Variants in ADAM10 observed in about 807,000 individuals in gnomAD.
ADAM10 encodes disintegrin and metalloproteinase domain-containing protein 10.
Under a neutral mutation model 90.1 loss-of-function variants are expected in ADAM10, and 17 were observed. The ratio of observed to expected loss-of-function variants is 0.19; its 90% CI spans 0.13 to 0.28. The LOEUF is 0.28. Among genes scored for constraint, ADAM10 ranks in the 10% least tolerant of loss-of-function variants. The pLI, the probability that ADAM10 is intolerant of heterozygous loss-of-function variation, is 1.00. For synonymous variants in ADAM10, 310 were observed against 298.6 expected, an observed-to-expected ratio of 1.04 and a Z score of -0.40; for missense variants, 610 against 914.3, an observed-to-expected ratio of 0.67 and a Z score of 4.29.
intron 1 of ADAM10, among the ~76,000 whole-genome samples, chr15:58,740,931 G>T (rs1363118737): frequency 1.3e-5 from 2 of 152,042 alleles, no homozygotes; most frequent in African/African-American, 4.8e-5. Context: ...GTAACTAATA[G>T]ATTCCAAATG....
intron 10 of ADAM10, among the ~76,000 whole-genome samples, chr15:58,622,049 T>C (rs948420560): frequency 6.6e-6 from 1 of 152,014 alleles, no homozygotes; most frequent in Non-Finnish European, 1.5e-5. Context: ...ATATGTACAA[T>C]GAATTCCCAT....
In ADAM10 at chr15:58,624,532, CTGTT is replaced by C. The variant is rs1355319327; in HGVS notation, c.1361-2915_1361-2912del. ...TAACAGTTTAAACAACAATGAGGTA[CTGTT>C]TGTTTGTTTGTCTGAGACAGAGTCT... On this transcript the variant is annotated intron_variant, in intron 10 of 15. Transcript: ENST00000260408. 3.8e-4 allele frequency among the ~76,000 whole-genome samples: 58 copies of C among 152,118 alleles called. 2 individuals are homozygous for C. Among genetic ancestry groups the C allele is most frequent in the Admixed American group, 2.9e-3 (44 of 15,272 alleles).
chr15:58,696,427 C>T (rs1897979333), intron 2 of ADAM10, among the ~76,000 whole-genome samples: 1 of 151,752 alleles, frequency 6.6e-6, no homozygotes, highest in Non-Finnish European at 1.5e-5. Flanking sequence ...GAAGTAGGCC[C>T]CTTACAGCCT....
intron 1 of ADAM10, among the ~76,000 whole-genome samples, chr15:58,737,223 C>G (rs1204614075): frequency 6.6e-6 from 1 of 152,144 alleles, no homozygotes; most frequent in South Asian, 2.1e-4. Context: ...ATCTTACTAC[C>G]CAGAAAATTG....
intron 5 of ADAM10, among the ~76,000 whole-genome samples, chr15:58,646,494 A>G (rs569707664): frequency 7.9e-5 from 12 of 152,268 alleles, no homozygotes; most frequent in African/African-American, 2.9e-4. Context: ...TACTACTTTG[A>G]TATCTTCTCT....
intron 2 of ADAM10, chr15:58,707,430 C>T (rs1396290477): frequency 6.6e-6 from 1 of 151,680 alleles, no homozygotes; most frequent in Non-Finnish European, 1.5e-5. Context: ...AAACACAGTT[C>T]CAGGCTTAAC....
chr15:58,692,820 A>C (rs756555495), intron 2 of ADAM10: 1 of 645,252 alleles, frequency 1.5e-6, no homozygotes, highest in Non-Finnish European at 3.0e-6. Context: ...CAAATTGCCC[A>C]ATCATGGAGA....
intron 10 of ADAM10, among the ~76,000 whole-genome samples, chr15:58,624,235 G>A (rs1273358290): frequency 2.0e-5 from 3 of 151,464 alleles, no homozygotes; most frequent in South Asian, 2.1e-4. Context: ...GCAGTGAGCC[G>A]AGATCGTGCC....
chr15:58,712,307 C>T (rs1184674892), intron 2 of ADAM10, among the ~76,000 whole-genome samples: 1 of 151,548 alleles, frequency 6.6e-6, no homozygotes, highest in Non-Finnish European at 1.5e-5. Context: ...GTAATCCCAG[C>T]TTTGGGAGGC....
At chr15:58,655,657 CAT>C (rs1896789389) in intron 5 of ADAM10, among the ~76,000 whole-genome samples, 1 of 29,928 alleles carries the variant, frequency 3.3e-5, no homozygotes, top group African/African-American at 7.1e-4. Flanking sequence ...CCTTTGCATA[CAT>C]ACATACATAC....
chr15:58,740,971 A>G (rs1238586760), intron 1 of ADAM10, among the ~76,000 whole-genome samples: 1 of 152,220 alleles, frequency 6.6e-6, no homozygotes, highest in African/African-American at 2.4e-5. Flanking sequence ...CATAATTTTA[A>G]TAATATTTAT....
chr15:58,701,022 C>CAA (rs386383146), intron 2 of ADAM10, among the ~76,000 whole-genome samples: 15,795 of 70,814 alleles, frequency 0.22, 1,328 homozygotes, highest in South Asian at 0.46. Flanking sequence ...AACAAAAAAA[C>CAA]AAAAAAAAAA....
intron 5 of ADAM10, among the ~76,000 whole-genome samples, chr15:58,655,711 G>GTGTGTA (rs1212041296): frequency 3.7e-5 from 2 of 53,708 alleles, no homozygotes; most frequent in Non-Finnish European, 6.5e-5. Flanking sequence ...TATATATATA[G>GTGTGTA]TATATATATA....
chr15:58,727,847 CACA>C (rs777302795), intron 1 of ADAM10, among the ~76,000 whole-genome samples: 2 of 151,732 alleles, frequency 1.3e-5, no homozygotes, highest in African/African-American at 2.4e-5. Flanking sequence ...AAGAAGAAAA[CACA>C]ACAAGCCTAA....
At chr15:58,715,517 C>G (rs1386165109) in intron 2 of ADAM10, among the ~76,000 whole-genome samples, 2 of 151,790 alleles carry the variant, frequency 1.3e-5, no homozygotes, top group Non-Finnish European at 2.9e-5. Context: ...GCAAGAAGTT[C>G]TCCCTCCTTT....
intron 15 of ADAM10, among the ~76,000 whole-genome samples, chr15:58,599,371 T>A (rs1377755410): frequency 1.3e-5 from 2 of 151,428 alleles, no homozygotes; most frequent in Non-Finnish European, 2.9e-5. Flanking sequence ...AATTTCTAGT[T>A]CTAAATATTT....
Position 58,621,539 on chromosome 15 carries a change from A to T in ADAM10, c.1443T>A (p.Asp481Glu). 1 of 1,614,128 alleles carries T rather than the reference A, an allele frequency of 6.2e-7. No homozygotes were observed. The highest frequency in any genetic ancestry group is 8.5e-7 in the Non-Finnish European group (1 of 1,180,016). The change falls in exon 11 of 16, where the codon GAT (aspartate) becomes GAA (glutamate). Residue 481 changes from aspartate (D) to glutamate (E), a missense_variant. By Grantham distance (45) the Asp-to-Glu change is conservative. Around this residue, in one of 4 missense-constraint regions of ADAM10, gnomAD observed 97 missense variants for 221.4 expected, o/e 0.44. Transcript: ENST00000260408. ...CDCGYSDQCK[D>E]ECCFDANQPE... ...GTTGATTTGCATCGAAGCAGCATTC[A>T]TCTTTACACTGGTCACTATAGCCAC...
intron 3 of ADAM10, among the ~76,000 whole-genome samples, chr15:58,679,930 T>C (rs1394014949): frequency 1.3e-5 from 2 of 152,000 alleles, no homozygotes; most frequent in Non-Finnish European, 2.9e-5. Context: ...AAACAATTAA[T>C]TGTTAAATTA....
chr15:58,708,377 T>C (rs552955641), intron 2 of ADAM10, among the ~76,000 whole-genome samples: 1 of 151,536 alleles, frequency 6.6e-6, no homozygotes, highest in Non-Finnish European at 1.5e-5. Flanking sequence ...AAAAAATAAT[T>C]GAGGCCACAC....
Sources: gnomAD v4.1 joint callset for allele counts (sites outside exome capture counted in the v4.1 genomes callset) on GRCh38, gnomAD v4.1.1 for gene constraint, gnomAD v4.1.1 regional missense constraint, MANE v1.5 for transcripts, NCBI Gene and HGNC (gene_info 2026-07-23, HGNC 2026-07-21) for gene names.